The following KIAA0232 variants were observed in gnomAD, a reference collection of about 807,000 sequenced individuals.
The protein encoded by KIAA0232 is uncharacterized protein KIAA0232.
In KIAA0232, 27 loss-of-function variants were observed where a neutral mutation model predicts 122.0. The ratio of observed to expected loss-of-function variants is 0.22; its 90% CI spans 0.16 to 0.31. KIAA0232 has a LOEUF of 0.31. Ranked by LOEUF, KIAA0232 falls within the 10% of genes least tolerant of loss-of-function variation. The probability of loss-of-function intolerance (pLI) is 1.00; values close to 1 mark genes in which losing one functional copy is unlikely to be tolerated. For synonymous variants in KIAA0232, 613 were observed against 587.6 expected (o/e 1.04, Z -0.63); for missense variants, 1,551 against 1,634.2 (o/e 0.95, Z 0.88).
intron 7 of KIAA0232, among the ~76,000 whole-genome samples, chr4:6,866,547 A>C (rs532518702): frequency 6.6e-6 from 1 of 152,246 alleles, no homozygotes; most frequent in African/African-American, 2.4e-5. Context: ...GTCAGTCTGA[A>C]AGGTGCTTTT....
intron 2 of KIAA0232, among the ~76,000 whole-genome samples, chr4:6,812,239 G>A (rs1251341438): frequency 6.6e-6 from 1 of 152,104 alleles, no homozygotes; most frequent in Non-Finnish European, 1.5e-5. Context: ...CAAAACCAGT[G>A]TCGTCTAGTA....
At chr4:6,833,561 G>C (rs921379641) in intron 3 of KIAA0232, among the ~76,000 whole-genome samples, 2 of 152,000 alleles carry the variant, frequency 1.3e-5, no homozygotes, top group African/African-American at 4.8e-5. Context: ...GCCCAGGGAG[G>C]TCGAGGCTGC....
intron 3 of KIAA0232, among the ~76,000 whole-genome samples, chr4:6,835,209 C>A (rs1301786734): frequency 2.0e-5 from 3 of 152,126 alleles, no homozygotes; most frequent in African/African-American, 4.8e-5. Flanking sequence ...TGGCTGGGTC[C>A]CTCAAAGCGA....
At chr4:6,792,916 G>A (rs1484896648) in intron 1 of KIAA0232, among the ~76,000 whole-genome samples, 2 of 152,016 alleles carry the variant, frequency 1.3e-5, no homozygotes, top group Admixed American at 6.6e-5. Flanking sequence ...TCGATCTCCT[G>A]ATCTCGTGAT....
At chr4:6,834,112 G>C (rs1224947808) in intron 3 of KIAA0232, among the ~76,000 whole-genome samples, 1 of 150,722 alleles carries the variant, frequency 6.6e-6, no homozygotes, top group African/African-American at 2.5e-5. Context: ...TATTATTTTA[G>C]AGATAGGGTC....
At chr4:6,790,692 T>C (rs1244833871) in intron 1 of KIAA0232, among the ~76,000 whole-genome samples, 3 of 151,888 alleles carry the variant, frequency 2.0e-5, no homozygotes, top group Non-Finnish European at 4.4e-5. Context: ...GCAAGCCCTT[T>C]ATTAGATGTC....
At chr4:6,832,673 G>A (rs1342726574) in intron 3 of KIAA0232, among the ~76,000 whole-genome samples, 2 of 152,078 alleles carry the variant, frequency 1.3e-5, no homozygotes, top group African/African-American at 4.8e-5. Context: ...TTTCTGCTAT[G>A]TTTTCTGTTG....
intron 4 of KIAA0232, among the ~76,000 whole-genome samples, chr4:6,849,402 C>T (rs1560191849): frequency 6.6e-6 from 1 of 152,160 alleles, no homozygotes; most frequent in Non-Finnish European, 1.5e-5. Flanking sequence ...GGTCACTTGA[C>T]GTCAGGAGTT....
intron 4 of KIAA0232, among the ~76,000 whole-genome samples, chr4:6,852,897 C>G (rs912623733): frequency 6.6e-6 from 1 of 152,218 alleles, no homozygotes; most frequent in Non-Finnish European, 1.5e-5. Context: ...CTGTCACACT[C>G]GGCAACATCT....
rs142539547 is a variant in KIAA0232, at chr4:6,825,277, G to T, written c.231+593G>T. On this transcript the variant is annotated intron_variant, in intron 3 of 9. Coordinates refer to ENST00000307659, the MANE Select transcript of KIAA0232 (RefSeq NM_014743.3). ...TTTATAGTGAGAAATTGGGCTGGGT[G>T]TGGTGGTTCACACTTAGAGTCCCAA... is the stretch of plus-strand genomic sequence containing the variant. Among the ~76,000 whole-genome samples, 13 of 152,264 alleles carry T rather than the reference G, an allele frequency of 8.5e-5. No homozygotes were observed. The East Asian group carries it at 2.5e-3, about 29-fold the overall frequency.
chr4:6,799,585 G>A (rs1560163084), intron 1 of KIAA0232, among the ~76,000 whole-genome samples: 1 of 152,022 alleles, frequency 6.6e-6, no homozygotes, highest in African/African-American at 2.4e-5. Flanking sequence ...AATCGTGGAT[G>A]GCATAGCCTA....
chr4:6,814,432 AACATATTTTAAATAATT>A (rs1718024952), intron 2 of KIAA0232, among the ~76,000 whole-genome samples: 1 of 152,008 alleles, frequency 6.6e-6, no homozygotes, highest in Non-Finnish European at 1.5e-5. Flanking sequence ...CTAAAAGGCT[AACATATTTTAAATAATT>A]ACTATTCTTC....
chr4:6,870,930 G>C (rs1336876330), intron 7 of KIAA0232, among the ~76,000 whole-genome samples: 1 of 152,184 alleles, frequency 6.6e-6, no homozygotes, highest in Non-Finnish European at 1.5e-5. Flanking sequence ...AAGGCTCAGG[G>C]CTTCCCCATT....
chr4:6,828,020 T>C (rs181270171), intron 3 of KIAA0232, among the ~76,000 whole-genome samples: 3 of 152,326 alleles, frequency 2.0e-5, no homozygotes, highest in Non-Finnish European at 4.4e-5. Context: ...TCTCTGAAAC[T>C]TTTTCTGATA....
At chr4:6,783,560 C>T (rs1289363887) in intron 1 of KIAA0232, among the ~76,000 whole-genome samples, 2 of 152,104 alleles carry the variant, frequency 1.3e-5, no homozygotes, top group East Asian at 3.9e-4. Flanking sequence ...CCCTCCGTTC[C>T]CCTCCCCTCC....
chr4:6,849,140 G>C (rs932430857), intron 4 of KIAA0232, among the ~76,000 whole-genome samples: 1 of 152,224 alleles, frequency 6.6e-6, no homozygotes, highest in Non-Finnish European at 1.5e-5. Flanking sequence ...TGAGTGAGCT[G>C]TGCTGGAGGG....
Position 6,862,281 on chromosome 4 carries a change from G to A in KIAA0232, c.1899G>A (p.Glu633=), listed in dbSNP as rs1720918252. ...LNSHLLAGNQ[E]LFSDINEGSG... ...CACACCTGCTTGCTGGCAATCAAGA[G>A]CTCTTTTCAGATATTAATGAAGGAT... The change falls in exon 7 of 10, where the codon GAG becomes GAA. Residue 633 remains glutamate (E), a synonymous_variant. Coordinates refer to ENST00000307659, the MANE Select transcript of KIAA0232 (RefSeq NM_014743.3). 2 of 1,614,040 alleles carry A rather than the reference G, an allele frequency of 1.2e-6. No homozygotes were observed. The highest frequency in any genetic ancestry group is 1.7e-5 in the Admixed American group (1 of 60,000).
intron 1 of KIAA0232, among the ~76,000 whole-genome samples, chr4:6,789,721 T>C (rs1178750028): frequency 6.6e-6 from 1 of 152,216 alleles, no homozygotes; most frequent in African/African-American, 2.4e-5. Flanking sequence ...GTTTTTTGCA[T>C]ATGGCTTAAG....
intron 2 of KIAA0232, among the ~76,000 whole-genome samples, chr4:6,820,109 G>A (rs182453193): frequency 6.6e-6 from 1 of 152,248 alleles, no homozygotes. Flanking sequence ...AGTGATGAGG[G>A]AGGGAGGCAG....
Sources: gnomAD v4.1 joint callset for allele counts (sites outside exome capture counted in the v4.1 genomes callset) on GRCh38, gnomAD v4.1.1 for gene constraint, MANE v1.5 for transcripts, NCBI Gene and HGNC (gene_info 2026-07-23, HGNC 2026-07-21) for gene names.